FBXO30: variants seen among roughly 807,000 people sequenced by gnomAD.
FBXO30 encodes the protein F-box protein 30.
Under a neutral mutation model 58.1 loss-of-function variants are expected in FBXO30, and 21 were observed. The ratio of observed to expected loss-of-function variants is 0.36; its 90% CI spans 0.26 to 0.52. The LOEUF (loss-of-function observed/expected upper bound fraction) is 0.52. Ranked by LOEUF, FBXO30 falls within the 20% of genes least tolerant of loss-of-function variation. FBXO30 has a pLI of 0.93. For missense variants in FBXO30, 744 were observed against 897.3 expected (o/e 0.83, Z 2.18); for synonymous variants, 309 against 312.4 (o/e 0.99, Z 0.11).
rs766481234 is a variant in FBXO30, at chr6:145,801,434, A to G, written c.2035-1125T>C. On this transcript the variant is annotated intron_variant, in intron 2 of 2. Transcript: ENST00000237281. ...GTGTGCGTGTGTGTGTGTGTTTTTT[A>G]GCTCATCAGTTATCGTTAGTGTATT... Among the ~76,000 whole-genome samples the G allele has an allele frequency of 2.0e-5, 3 of 151,778 alleles. No individual in the cohort carries two copies. The Middle Eastern group carries it at 0.01, about 516-fold the overall frequency.
intron 1 of FBXO30, 64 bp from the exon 2 acceptor site, chr6:145,806,485 T>C (rs1301613779): frequency 8.1e-7 from 1 of 1,228,336 alleles, no homozygotes; most frequent in Non-Finnish European, 1.1e-6. Context: ...TCAAAATTGT[T>C]TAATAATTAA....
At chr6:145,811,977 C>T (rs549229756) in intron 1 of FBXO30, 1 of 152,238 alleles carries the variant, frequency 6.6e-6, no homozygotes, top group African/African-American at 2.4e-5. Context: ...CATAATAAAT[C>T]TATACCCTAG....
At position 145,806,339 on chromosome 6, in the gene FBXO30, C is replaced by G; in HGVS notation, c.67G>C (p.Glu23Gln). The G allele has an allele frequency of 6.2e-7, 1 of 1,613,972 alleles. No individual in the cohort carries two copies. The highest frequency in any genetic ancestry group is 8.5e-7 in the Non-Finnish European group (1 of 1,179,932). The change falls in exon 2 of 3, where the codon GAG becomes CAG. Residue 23 changes from glutamate to glutamine, a missense_variant. By Grantham distance (29) the Glu-to-Gln change is conservative (BLOSUM62 2). This residue lies in a region of FBXO30 where 135 missense variants were observed against 201.6 expected (regional missense o/e 0.67). Transcript: ENST00000237281. ...CVSRRCMTRPEPGISCDLIGC... is the reference protein window; with the variant it reads ...CVSRRCMTRPQPGISCDLIGC... ...ATCAAATCACAGGAAATCCCTGGCT[C>G]TGGCCTGGTCATGCACCGTCTACTG...
intron 1 of FBXO30, among the ~76,000 whole-genome samples, chr6:145,810,590 GAGA>G (rs1778306349): frequency 6.6e-6 from 1 of 152,124 alleles, no homozygotes; most frequent in Non-Finnish European, 1.5e-5. Context: ...TTTTCTCTGA[GAGA>G]AGTTCTTTGC....
chr6:145,797,003 G>T lies in FBXO30; in HGVS notation c.*3103C>A. ...AATCTTTCATAACATCTTATTGATA[G>T]GGTTGAAAAGATCCCTAAAAATATT... On this transcript the variant is annotated 3_prime_UTR_variant, in exon 3 of 3. Coordinates refer to ENST00000237281, the MANE Select transcript of FBXO30 (RefSeq NM_032145.5). The T allele has an allele frequency of 6.6e-6, 1 of 151,846 alleles. No homozygotes were observed. Among genetic ancestry groups the T allele is most frequent in the Non-Finnish European group, 1.5e-5 (1 of 67,856 alleles). The allele number at this position is 151,846 out of a possible 1,614,324, so 9.4% of individuals were successfully genotyped here.
At position 145,805,198 on chromosome 6, in the gene FBXO30, T is replaced by A; in HGVS notation, c.1208A>T (p.Asp403Val). 6.2e-7 allele frequency: 1 copy of A among 1,614,112 alleles called. No individual in the cohort carries two copies. ...SNSCWSKPKEDKAVDTSDLEV... is the reference protein window; with the variant it reads ...SNSCWSKPKEVKAVDTSDLEV... ...CAAATCTGATGTATCTACTGCTTTA[T>A]CTTCCTTTGGTTTAGACCAACATGA... The change falls in exon 2 of 3, where the codon GAT becomes GTT. Residue 403 changes from aspartate (D) to valine (V), a missense_variant. Coordinates refer to ENST00000237281, the MANE Select transcript of FBXO30 (RefSeq NM_032145.5).
chr6:145,799,842 G>T lies in FBXO30; in HGVS notation c.*264C>A. ...TAAGAACCAAAATATGCACACCACTGAAAATACTAATTCTTAAAATTATGT... is the reference window on the plus strand; with the variant it reads ...TAAGAACCAAAATATGCACACCACTTAAAATACTAATTCTTAAAATTATGT... On this transcript the variant is annotated 3_prime_UTR_variant, in exon 3 of 3. Coordinates refer to ENST00000237281, the MANE Select transcript of FBXO30 (RefSeq NM_032145.5). 4.3e-6 allele frequency: 1 copy of T among 233,126 alleles called. No homozygotes were observed. 14.4% of individuals were successfully genotyped at this position (233,126 alleles called of 1,614,324 possible).
intron 1 of FBXO30, among the ~76,000 whole-genome samples, chr6:145,810,250 A>T (rs1778296657): frequency 7.1e-6 from 1 of 141,338 alleles, no homozygotes; most frequent in Admixed American, 6.9e-5. Context: ...AAAAAAGTTA[A>T]GAAAATATAG....
At position 145,795,089 on chromosome 6, in the gene FBXO30, T is replaced by G. The variant is rs1562555633; in HGVS notation, c.*5017A>C. 6.6e-6 allele frequency: 1 copy of G among 151,964 alleles called. No individual in the cohort carries two copies. The highest frequency in any genetic ancestry group is 1.9e-4 in the East Asian group (1 of 5,188). The allele number at this position is 151,964 out of a possible 1,614,324, so 9.4% of individuals were successfully genotyped here. On this transcript the variant is annotated 3_prime_UTR_variant, in exon 3 of 3. Coordinates refer to ENST00000237281, the MANE Select transcript of FBXO30 (RefSeq NM_032145.5). Reference sequence around the variant, plus strand: ...CTACTAAATACTAATATAACAATGTTACTTTTTGACTGGAAGGGGTATTAA... The same window carrying G: ...CTACTAAATACTAATATAACAATGTGACTTTTTGACTGGAAGGGGTATTAA...
chr6:145,809,076 T>G (rs118184130), intron 1 of FBXO30, among the ~76,000 whole-genome samples: 1 of 152,208 alleles, frequency 6.6e-6, no homozygotes, highest in Admixed American at 6.5e-5. Flanking sequence ...ATTTTTTAAT[T>G]GTGTTAAAAA....
chr6:145,806,529 AG>A, intron 1 of FBXO30, 108 bp from the exon 2 acceptor site: 2 of 789,348 alleles, frequency 2.5e-6, no homozygotes, highest in Non-Finnish European at 4.0e-6. Context: ...GGTTTATTTT[AG>A]GATGACATAT....
In FBXO30 at chr6:145,798,821, C is replaced by A. The variant is rs72998017; in HGVS notation, c.*1285G>T. On this transcript the variant is annotated 3_prime_UTR_variant, in exon 3 of 3. Transcript: ENST00000237281. Reference sequence around the variant, plus strand: ...AAGAGAGGACACAACAGAGTTTTCACAATTTTAACAAGTAATCTGTCACCA... The same window carrying A: ...AAGAGAGGACACAACAGAGTTTTCAAAATTTTAACAAGTAATCTGTCACCA... 23 of 152,106 alleles carry A rather than the reference C, an allele frequency of 1.5e-4. No homozygotes were observed. The highest frequency in any genetic ancestry group is 3.2e-4 in the Non-Finnish European group (22 of 67,928). 9.4% of individuals were successfully genotyped at this position (152,106 alleles called of 1,614,324 possible).
rs1409982024 is a variant in FBXO30, at chr6:145,794,939, T to C, written c.*5167A>G. The C allele has an allele frequency of 6.6e-6, 1 of 151,658 alleles. No homozygotes were observed. Among genetic ancestry groups the C allele is most frequent in the African/African-American group, 2.4e-5 (1 of 41,356 alleles). The allele number at this position is 151,658 out of a possible 1,614,324, so 9.4% of individuals were successfully genotyped here. On this transcript the variant is annotated 3_prime_UTR_variant, in exon 3 of 3. Transcript: ENST00000237281. ...GGATAAAGAAGCAATAATGACAATA[T>C]GGAAAAGAAGATTTCAACACAAAAA...
chr6:145,795,834 G>A lies in FBXO30; in HGVS notation c.*4272C>T, dbSNP rs1427431758. The stretch of plus-strand genomic sequence containing the variant: ...ATATATGTCAAATAAACATGTATAA[G>A]CAATTTATTTAAAAAAGTTTAATCA... On this transcript the variant is annotated 3_prime_UTR_variant, in exon 3 of 3. Coordinates refer to ENST00000237281, the MANE Select transcript of FBXO30 (RefSeq NM_032145.5). 4 of 151,898 alleles carry A rather than the reference G, an allele frequency of 2.6e-5. No homozygotes were observed. The highest frequency in any genetic ancestry group is 3.4e-3 in the Middle Eastern group (1 of 294). 9.4% of individuals were successfully genotyped at this position (151,898 alleles called of 1,614,324 possible). A position where few individuals can be genotyped will look rare whatever the true frequency, so the allele number is the denominator to read the frequency against.
chr6:145,814,534 G>C (rs370190564), intron 1 of FBXO30, 69 bp downstream of exon 1: 39 of 151,776 alleles, frequency 2.6e-4, no homozygotes, highest in African/African-American at 8.9e-4. Flanking sequence ...CAAACTGCCC[G>C]GCCGCTGCCT....
At chr6:145,807,896 C>G (rs7450076) in intron 1 of FBXO30, among the ~76,000 whole-genome samples, 115,261 of 151,988 alleles carry the variant, frequency 0.76, 44,799 homozygotes, top group African/African-American at 0.94. Flanking sequence ...GGGAGGCCAA[C>G]ATAGGAGGGT....
intron 1 of FBXO30, among the ~76,000 whole-genome samples, chr6:145,814,041 T>G (rs1174749748): frequency 6.6e-6 from 1 of 152,156 alleles, no homozygotes; most frequent in Non-Finnish European, 1.5e-5. Flanking sequence ...ACCTCAGGTC[T>G]GCAAAATAAG....
In FBXO30 at chr6:145,804,422, C is replaced by A; in HGVS notation, c.1984G>T (p.Gly662Trp). ...QSRGMVILQW[G>W]KRKYPEGNSS... ...TTTCCTTCTGGATACTTCCTTTTCC[C>A]CCACTGCAGTATGACCATGCCACGA... Residue 662 changes from glycine (G) to tryptophan (W), a missense_variant, in exon 2 of 3, where the codon GGG becomes TGG. By Grantham distance (184) the Gly-to-Trp change is radical (BLOSUM62 -2). This residue lies in a region of FBXO30 where 334 missense variants were observed against 433.7 expected (regional missense o/e 0.77). Coordinates refer to ENST00000237281, the MANE Select transcript of FBXO30 (RefSeq NM_032145.5). 6.2e-7 allele frequency: 1 copy of A among 1,613,472 alleles called. No individual in the cohort carries two copies. Among genetic ancestry groups the A allele is most frequent in the African/African-American group, 1.3e-5 (1 of 74,970 alleles).
intron 1 of FBXO30, among the ~76,000 whole-genome samples, chr6:145,807,612 A>AATAACATGAATG (rs1407584783): frequency 1.1e-4 from 17 of 152,310 alleles, no homozygotes; most frequent in African/African-American, 4.1e-4. Context: ...AGTTCTATAA[A>AATAACATGAATG]ATAACATGAA....
Sources: allele counts gnomAD v4.1 joint callset (sites outside exome capture counted in the v4.1 genomes callset), GRCh38; gene constraint gnomAD v4.1.1; regional missense constraint gnomAD v4.1.1; transcripts MANE v1.5; gene names NCBI Gene and HGNC (gene_info 2026-07-23, HGNC 2026-07-21).